SORCS2: variants seen among roughly 807,000 people sequenced by gnomAD.
The protein encoded by SORCS2 is sortilin related VPS10 domain containing receptor 2, also known as VPS10 domain-containing receptor SorCS2.
A neutral mutation model predicts 141.6 loss-of-function variants in SORCS2; 100 were observed. The observed-to-expected ratio is 0.71, with a 90% CI of 0.60 to 0.83. The LOEUF (loss-of-function observed/expected upper bound fraction) is 0.83. Among genes scored for constraint, SORCS2 ranks in the 40% least tolerant of loss-of-function variants. SORCS2 has a pLI of 0.00. For missense variants in SORCS2, 1,646 were observed against 1,560.2 expected (o/e 1.05, Z -0.93); for synonymous variants, 789 against 676.9 (o/e 1.17, Z -2.57).
At chr4:7,212,405 C>G (rs1728108464) in intron 1 of SORCS2, among the ~76,000 whole-genome samples, 2 of 152,148 alleles carry the variant, frequency 1.3e-5, no homozygotes, top group Admixed American at 6.5e-5. Context: ...CACAGAAACC[C>G]CACTCCAACT....
intron 2 of SORCS2, among the ~76,000 whole-genome samples, chr4:7,437,355 G>A (rs577694910): frequency 6.6e-6 from 1 of 152,318 alleles, no homozygotes; most frequent in Admixed American, 6.5e-5. Flanking sequence ...AGGGGCCGGG[G>A]TGCAGGGCTT....
rs1337343512 is a variant in SORCS2, at chr4:7,349,288, A to G, written c.481-47000A>G. Among the ~76,000 whole-genome samples the G allele has an allele frequency of 2.0e-5, 3 of 152,258 alleles. No homozygotes were observed. The East Asian group carries it at 5.8e-4, about 29-fold the overall frequency. On this transcript the variant is annotated intron_variant, in intron 1 of 26. Transcript: ENST00000507866. The stretch of plus-strand genomic sequence containing the variant: ...AGCAGAAGGCCCCTCTGCCCCAGTG[A>G]TGATTCTGGACGGCTGCAGGTCAGT...
At chr4:7,544,948 C>T (rs992342458) in intron 3 of SORCS2, among the ~76,000 whole-genome samples, 4 of 152,206 alleles carry the variant, frequency 2.6e-5, no homozygotes, top group Admixed American at 6.5e-5. Flanking sequence ...CCATCCCTTC[C>T]AATCAGCGAT....
At chr4:7,656,893 G>A (rs1721814290) in intron 5 of SORCS2, among the ~76,000 whole-genome samples, 1 of 152,232 alleles carries the variant, frequency 6.6e-6, no homozygotes, top group African/African-American at 2.4e-5. Flanking sequence ...CAAATGGGGT[G>A]AAAGTCAGTT....
At chr4:7,284,017 G>A (rs1716051174) in intron 1 of SORCS2, among the ~76,000 whole-genome samples, 1 of 152,184 alleles carries the variant, frequency 6.6e-6, no homozygotes, top group South Asian at 2.1e-4. Flanking sequence ...GATGTACAAC[G>A]TTACTACAGC....
intron 3 of SORCS2, among the ~76,000 whole-genome samples, chr4:7,548,867 T>C (rs1713469543): frequency 6.6e-6 from 1 of 152,226 alleles, no homozygotes; most frequent in Admixed American, 6.5e-5. Flanking sequence ...CCTAAAATCC[T>C]ACTCTGCCGG....
intron 1 of SORCS2, among the ~76,000 whole-genome samples, chr4:7,211,426 G>A (rs1014673176): frequency 6.6e-6 from 1 of 152,206 alleles, no homozygotes; most frequent in East Asian, 1.9e-4. Context: ...GTCTCACTCT[G>A]TTGCCCAGGC....
chr4:7,404,071 A>G (rs1360592023), intron 2 of SORCS2, among the ~76,000 whole-genome samples: 2 of 140,978 alleles, frequency 1.4e-5, no homozygotes, highest in African/African-American at 5.3e-5. Flanking sequence ...ATGTGGCTTT[A>G]TTTCTGGGTT....
Position 7,700,820 on chromosome 4 carries a change from C to T in SORCS2, c.1669-2460C>T, listed in dbSNP as rs1352281585. Among the ~76,000 whole-genome samples, 4 of 152,356 alleles carry T rather than the reference C, an allele frequency of 2.6e-5. No homozygotes were observed. The East Asian group carries it at 7.7e-4, about 29-fold the overall frequency. ...CCACTCCAGCCTGCGACCCCACCAC[C>T]CACAAGAGTGTGTCTCCACCTGTGT... On this transcript the variant is annotated intron_variant, in intron 12 of 26. Coordinates refer to ENST00000507866, the MANE Select transcript of SORCS2 (RefSeq NM_020777.3).
At chr4:7,739,725 G>C (rs12504079) in intron 26 of SORCS2, among the ~76,000 whole-genome samples, 31,412 of 152,048 alleles carry the variant, frequency 0.21, 3,405 homozygotes, top group African/African-American at 0.25. Flanking sequence ...TCCTCGACCT[G>C]TCTCCTTGAC....
intron 3 of SORCS2, among the ~76,000 whole-genome samples, chr4:7,622,391 C>T (rs1379183315): frequency 6.6e-6 from 1 of 152,192 alleles, no homozygotes; most frequent in Non-Finnish European, 1.5e-5. Context: ...AAAGAAAACA[C>T]TTGCACAGGC....
At chr4:7,220,716 A>C (rs1464397755) in intron 1 of SORCS2, among the ~76,000 whole-genome samples, 1 of 152,112 alleles carries the variant, frequency 6.6e-6, no homozygotes, top group Non-Finnish European at 1.5e-5. Flanking sequence ...CCCATTTTGC[A>C]CGCTGTGGGG....
At chr4:7,194,515 CA>C (rs1210595125) in intron 1 of SORCS2, among the ~76,000 whole-genome samples, 1 of 152,170 alleles carries the variant, frequency 6.6e-6, no homozygotes. Context: ...GTACAGGTGC[CA>C]AGTGTCTGGT....
intron 1 of SORCS2, among the ~76,000 whole-genome samples, chr4:7,235,075 G>A (rs1320239246): frequency 1.3e-5 from 2 of 152,250 alleles, no homozygotes; most frequent in Non-Finnish European, 2.9e-5. Flanking sequence ...TGCATCCCGT[G>A]AGGGTCTGAA....
At chr4:7,389,823 G>A (rs1228828904) in intron 1 of SORCS2, among the ~76,000 whole-genome samples, 2 of 152,220 alleles carry the variant, frequency 1.3e-5, no homozygotes, top group Non-Finnish European at 1.5e-5. Context: ...TGTTTGGAGT[G>A]CAGTCCGCGG....
chr4:7,240,730 C>T (rs183631889), intron 1 of SORCS2, among the ~76,000 whole-genome samples: 1 of 152,298 alleles, frequency 6.6e-6, no homozygotes, highest in African/African-American at 2.4e-5. Flanking sequence ...AAACCTCCCC[C>T]TGAAGGGGCA....
chr4:7,623,030 G>C (rs975931834), intron 3 of SORCS2, among the ~76,000 whole-genome samples: 4 of 152,056 alleles, frequency 2.6e-5, no homozygotes, highest in Non-Finnish European at 5.9e-5. Context: ...TATGGTTAGA[G>C]GGCAGATGAA....
At chr4:7,316,567 A>T (rs1296498207) in intron 1 of SORCS2, among the ~76,000 whole-genome samples, 1 of 152,200 alleles carries the variant, frequency 6.6e-6, no homozygotes, top group African/African-American at 2.4e-5. Flanking sequence ...TGGACAAGTT[A>T]TCTGACCTTC....
intron 2 of SORCS2, among the ~76,000 whole-genome samples, chr4:7,514,341 C>T (rs1732844598): frequency 6.6e-6 from 1 of 152,126 alleles, no homozygotes; most frequent in African/African-American, 2.4e-5. Flanking sequence ...ATTGGTCCTT[C>T]AGGGCGGGAA....
Sources: gnomAD v4.1 joint callset for allele counts (sites outside exome capture counted in the v4.1 genomes callset) on GRCh38, gnomAD v4.1.1 for gene constraint, MANE v1.5 for transcripts, NCBI Gene and HGNC (gene_info 2026-07-23, HGNC 2026-07-21) for gene names.